PRH1: variants seen among roughly 807,000 people sequenced by gnomAD.
PRH1 encodes salivary acidic proline-rich phosphoprotein 1/2.
PRH1 carries 7 observed loss-of-function variants against 7.9 expected under a neutral mutation model. The observed-to-expected ratio is 0.89, with a 90% CI of 0.50 to 1.67. The LOEUF is 1.67. PRH1 is among the 40% of genes most tolerant of loss of function. The probability of loss-of-function intolerance (pLI) is 0.00; values close to 1 mark genes in which losing one functional copy is unlikely to be tolerated. For synonymous variants in PRH1, 45 were observed against 80.8 expected (o/e 0.56, Z 2.38); for missense variants, 109 against 223.6 (o/e 0.49, Z 3.27).
intron 1 of PRH1, among the ~76,000 whole-genome samples, chr12:11,038,907 ATAAG>A (rs1942576697): frequency 6.6e-6 from 1 of 152,250 alleles, no homozygotes; most frequent in Admixed American, 6.5e-5. Context: ...CCTTTCCAAA[ATAAG>A]TAATGTCAAT....
chr12:11,142,185 T>C (rs1315381562), intron 1 of PRH1, among the ~76,000 whole-genome samples: 1 of 152,164 alleles, frequency 6.6e-6, no homozygotes, highest in Non-Finnish European at 1.5e-5. Flanking sequence ...AGGCCAAAAT[T>C]ATATTTTCAA....
chr12:11,170,634 C>T (rs532162861), intron 1 of PRH1, among the ~76,000 whole-genome samples: 2 of 152,330 alleles, frequency 1.3e-5, no homozygotes, highest in Admixed American at 6.5e-5. Flanking sequence ...GATGCATCTC[C>T]ATGCAGAAAT....
At chr12:10,923,019 G>C (rs955333137) in intron 2 of PRH1, among the ~76,000 whole-genome samples, 2 of 149,642 alleles carry the variant, frequency 1.3e-5, no homozygotes, top group African/African-American at 4.9e-5. Flanking sequence ...TAGTAGAAAC[G>C]GGGTTTCACC....
At chr12:11,106,587 A>T (rs74062439) in intron 1 of PRH1, among the ~76,000 whole-genome samples, 2,053 of 133,284 alleles carry the variant, frequency 0.015, 50 homozygotes, top group African/African-American at 0.051. Flanking sequence ...AGATCTTCAT[A>T]TATGAATATT....
chr12:11,142,260 T>C (rs531339826), intron 1 of PRH1, among the ~76,000 whole-genome samples: 2 of 152,326 alleles, frequency 1.3e-5, no homozygotes, highest in East Asian at 3.9e-4. Flanking sequence ...AGGAGAGTCT[T>C]TATAGGTGAA....
upstream of PRH1, chr12:11,171,576 G>A: frequency 8.1e-7 from 1 of 1,231,764 alleles, no homozygotes. Flanking sequence ...CCATGACTAA[G>A]CTAACGGCCT....
intron 2 of PRH1, among the ~76,000 whole-genome samples, chr12:10,911,081 A>G (rs1038415305): frequency 6.6e-6 from 1 of 152,208 alleles, no homozygotes; most frequent in African/African-American, 2.4e-5. Context: ...ATATGTAGCT[A>G]TGTGGCATGT....
rs1322540400 is a variant in PRH1, at chr12:11,022,626, C to T, written c.-126+24394G>A. 3 of 1,300,252 alleles carry T rather than the reference C, an allele frequency of 2.3e-6. No homozygotes were observed. The East Asian group carries it at 7.1e-5, about 31-fold the overall frequency. 80.5% of individuals were successfully genotyped at this position (1,300,252 alleles called of 1,614,324 possible). A position where few individuals can be genotyped will look rare whatever the true frequency, so the allele number is the denominator to read the frequency against. ...GTAACACTTGTTCTGAGTCCTTTAA[C>T]ATCCAGATGTTAACTTCGATGAACA... On this transcript the variant is annotated intron_variant, in intron 1 of 3. Coordinates refer to the PRH1 transcript ENST00000539853.
At chr12:10,940,614 C>A (rs1036515775) in intron 2 of PRH1, among the ~76,000 whole-genome samples, 2 of 152,196 alleles carry the variant, frequency 1.3e-5, no homozygotes, top group African/African-American at 4.8e-5. Context: ...ACTCTCCCAG[C>A]AACATCTACT....
At chr12:11,038,307 A>G (rs1283800735) in intron 1 of PRH1, among the ~76,000 whole-genome samples, 1 of 152,260 alleles carries the variant, frequency 6.6e-6, no homozygotes, top group Non-Finnish European at 1.5e-5. Context: ...GTTACCACAC[A>G]TTGGCAAGAA....
chr12:10,981,950 C>T (rs1439400997), intron 1 of PRH1, among the ~76,000 whole-genome samples: 2 of 151,638 alleles, frequency 1.3e-5, no homozygotes, highest in Non-Finnish European at 2.9e-5. Context: ...CCACTTCGGC[C>T]TCCTAAATTA....
chr12:11,169,000 G>A (rs1947723778), intron 1 of PRH1, among the ~76,000 whole-genome samples: 1 of 152,130 alleles, frequency 6.6e-6, no homozygotes, highest in Non-Finnish European at 1.5e-5. Context: ...TTCTAGTTTG[G>A]CATTAGCACA....
At chr12:10,990,043 T>C (rs558624068) in intron 1 of PRH1, among the ~76,000 whole-genome samples, 8 of 152,306 alleles carry the variant, frequency 5.3e-5, no homozygotes, top group African/African-American at 1.4e-4. Context: ...AGAACAAAAC[T>C]GGAGGAATCA....
chr12:10,884,994 A>C (rs1321193120), upstream of PRH1, among the ~76,000 whole-genome samples: 3 of 152,228 alleles, frequency 2.0e-5, no homozygotes, highest in African/African-American at 4.8e-5. Flanking sequence ...ACCACCAAGG[A>C]ATTTCTAGAC....
intron 1 of PRH1, among the ~76,000 whole-genome samples, chr12:10,976,071 C>T (rs1939081920): frequency 6.6e-6 from 1 of 152,116 alleles, no homozygotes; most frequent in Non-Finnish European, 1.5e-5. Context: ...ACCAAACGAA[C>T]CTAATAGACC....
intron 2 of PRH1, among the ~76,000 whole-genome samples, chr12:10,909,788 T>A (rs1949868157): frequency 6.6e-6 from 1 of 152,230 alleles, no homozygotes; most frequent in African/African-American, 2.4e-5. Flanking sequence ...TGAAGCTTTA[T>A]AAAATATGCA....
chr12:10,967,863 A>G (rs888550489), intron 2 of PRH1, among the ~76,000 whole-genome samples: 1 of 152,198 alleles, frequency 6.6e-6, no homozygotes, highest in Non-Finnish European at 1.5e-5. Flanking sequence ...CTCAAGTGAG[A>G]GATCAAAGAG....
At chr12:11,073,140 A>G (rs1217177682) in intron 1 of PRH1, among the ~76,000 whole-genome samples, 1 of 115,392 alleles carries the variant, frequency 8.7e-6, no homozygotes, top group Non-Finnish European at 2.0e-5. Context: ...TTATTTATAT[A>G]TTTATTTTTG....
intron 1 of PRH1, among the ~76,000 whole-genome samples, chr12:11,153,803 C>A (rs1295651053): frequency 6.6e-6 from 1 of 151,972 alleles, no homozygotes; most frequent in Non-Finnish European, 1.5e-5. Context: ...GAATTTTATA[C>A]CAACACACAC....
Sources: gnomAD v4.1 joint callset for allele counts (sites outside exome capture counted in the v4.1 genomes callset) on GRCh38, gnomAD v4.1.1 for gene constraint, MANE v1.5 for transcripts, NCBI Gene and HGNC (gene_info 2026-07-23, HGNC 2026-07-21) for gene names.